The following LPP variants were observed in gnomAD, a reference collection of about 807,000 sequenced individuals.
The protein encoded by LPP is lipoma-preferred partner.
Under a neutral mutation model 60.4 loss-of-function variants are expected in LPP, and 38 were observed. The ratio of observed to expected loss-of-function variants is 0.63; its 90% CI spans 0.49 to 0.83. The LOEUF is 0.83. Ranked by LOEUF, LPP falls within the 40% of genes least tolerant of loss-of-function variation. LPP has a pLI of 0.00. For synonymous variants in LPP, 328 were observed against 290.8 expected (o/e 1.13, Z -1.30); for missense variants, 902 against 783.6 (o/e 1.15, Z -1.80).
At chr3:188,192,626 T>G (rs1265862814) in intron 1 of LPP, among the ~76,000 whole-genome samples, 1 of 152,200 alleles carries the variant, frequency 6.6e-6, no homozygotes, top group Non-Finnish European at 1.5e-5. Flanking sequence ...CTCAGCATAT[T>G]TAAGTGACTT....
At chr3:188,658,492 C>T (rs536493562) in intron 7 of LPP, among the ~76,000 whole-genome samples, 2 of 152,230 alleles carry the variant, frequency 1.3e-5, no homozygotes, top group East Asian at 3.9e-4. Context: ...AAACGACATA[C>T]CCTCCGTGCT....
chr3:188,623,539 T>C (rs966086434), intron 7 of LPP, among the ~76,000 whole-genome samples: 1 of 152,216 alleles, frequency 6.6e-6, no homozygotes, highest in Non-Finnish European at 1.5e-5. Flanking sequence ...ATTACAGGCA[T>C]GAGCCACCGT....
intron 4 of LPP, among the ~76,000 whole-genome samples, chr3:188,461,439 C>T (rs555694134): frequency 8.5e-5 from 13 of 152,216 alleles, no homozygotes; most frequent in Middle Eastern, 3.4e-3. Context: ...AACTTTTAAC[C>T]TTTTACAATA....
chr3:188,613,435 C>A lies in LPP; in HGVS notation c.1113+3591C>A, dbSNP rs76860883. ...AACTCTCAAGTCTAAAGTGACCAGGCAACTTTAGCCTCCAATTATCATAAA... is the reference window on the plus strand; with the variant it reads ...AACTCTCAAGTCTAAAGTGACCAGGAAACTTTAGCCTCCAATTATCATAAA... On this transcript the variant is annotated intron_variant, in intron 7 of 11. Coordinates refer to ENST00000617246, the MANE Select transcript of LPP (RefSeq NM_001375462.1). Among the ~76,000 whole-genome samples the A allele has an allele frequency of 3.1e-3, 473 of 152,094 alleles. 1 individual carries two copies. The highest frequency in any genetic ancestry group is 0.01 in the African/African-American group (433 of 41,492).
chr3:188,478,851 T>A (rs912707560), intron 4 of LPP, among the ~76,000 whole-genome samples: 13 of 151,974 alleles, frequency 8.6e-5, no homozygotes, highest in African/African-American at 3.1e-4. Context: ...CGCCTCCCGG[T>A]TCAAGCAATT....
intron 1 of LPP, among the ~76,000 whole-genome samples, chr3:188,170,513 A>G (rs1247111058): frequency 1.3e-5 from 2 of 151,092 alleles, no homozygotes; most frequent in African/African-American, 2.4e-5. Context: ...TTGTATTTTT[A>G]GTAGAGATGG....
intron 1 of LPP, among the ~76,000 whole-genome samples, chr3:188,222,998 A>T (rs11924330): frequency 0.028 from 4,275 of 152,256 alleles, 204 homozygotes; most frequent in African/African-American, 0.098. Context: ...AACATGTGGA[A>T]GAGGTGGCAG....
rs192098848 is a variant in LPP, at chr3:188,194,083, C to G, written c.-189-31322C>G. Among the ~76,000 whole-genome samples, 337 of 152,320 alleles carry G rather than the reference C, an allele frequency of 2.2e-3. 2 individuals carry two copies. The highest frequency in any genetic ancestry group is 3.9e-3 in the Non-Finnish European group (265 of 68,034). ...TTTCTTCCCTGAAAAAATCAGGGTG[C>G]TGAATGGTCAGGTGAGCTCCCTATT... On this transcript the variant is annotated intron_variant, in intron 1 of 11. Transcript: ENST00000617246.
intron 6 of LPP, among the ~76,000 whole-genome samples, chr3:188,564,856 T>C (rs1003688227): frequency 6.6e-6 from 1 of 151,946 alleles, no homozygotes; most frequent in African/African-American, 2.4e-5. Context: ...ATTTTCCTTC[T>C]GTTTTCTGTG....
chr3:188,442,308 G>A (rs1468955380), intron 4 of LPP, among the ~76,000 whole-genome samples: 3 of 152,104 alleles, frequency 2.0e-5, no homozygotes, highest in Non-Finnish European at 4.4e-5. Context: ...GGTGTGTGAT[G>A]TTCCCTTCCC....
At chr3:188,613,300 A>ATATCTATATCTATATC (rs1553944251) in intron 7 of LPP, among the ~76,000 whole-genome samples, 260 of 146,266 alleles carry the variant, frequency 1.8e-3, no homozygotes, top group Non-Finnish European at 2.2e-3. Flanking sequence ...ATCTATATCT[A>ATATCTATATCTATATC]TATCTATATC....
At chr3:188,369,140 A>G (rs1279544048) in intron 3 of LPP, among the ~76,000 whole-genome samples, 1 of 152,114 alleles carries the variant, frequency 6.6e-6, no homozygotes, top group Non-Finnish European at 1.5e-5. Context: ...CTGGGGAACT[A>G]TCTCACTGCA....
At chr3:188,736,263 C>A (rs974582234) in intron 8 of LPP, among the ~76,000 whole-genome samples, 1 of 151,726 alleles carries the variant, frequency 6.6e-6, no homozygotes, top group South Asian at 2.1e-4. Context: ...ATGTAAATAT[C>A]ATATAAAATT....
chr3:188,547,313 A>G (rs1216593643), intron 6 of LPP, among the ~76,000 whole-genome samples: 1 of 152,200 alleles, frequency 6.6e-6, no homozygotes, highest in Non-Finnish European at 1.5e-5. Context: ...ACACACATGC[A>G]CAATATAAAT....
chr3:188,459,449 A>T (rs973318728), intron 4 of LPP, among the ~76,000 whole-genome samples: 1 of 152,186 alleles, frequency 6.6e-6, no homozygotes, highest in Non-Finnish European at 1.5e-5. Flanking sequence ...TCTTGGTATC[A>T]CAGCACATCT....
intron 7 of LPP, among the ~76,000 whole-genome samples, chr3:188,677,003 T>C (rs1858277126): frequency 1.4e-5 from 2 of 147,490 alleles, no homozygotes; most frequent in East Asian, 3.9e-4. Flanking sequence ...GGGCACCTAG[T>C]AGCTGACAAG....
At chr3:188,857,948 A>T (rs1446750041) in intron 9 of LPP, among the ~76,000 whole-genome samples, 2 of 152,242 alleles carry the variant, frequency 1.3e-5, no homozygotes, top group Non-Finnish European at 2.9e-5. Context: ...TAAAACTAAC[A>T]TTTATTATAT....
chr3:188,374,685 T>G (rs563916412), intron 3 of LPP, among the ~76,000 whole-genome samples: 103 of 152,224 alleles, frequency 6.8e-4, no homozygotes, highest in African/African-American at 2.1e-3. Flanking sequence ...TTTCCTAATT[T>G]AATACCCTTT....
At chr3:188,488,622 T>TTTTATTTA (rs72105648) in intron 5 of LPP, among the ~76,000 whole-genome samples, 8 of 149,696 alleles carry the variant, frequency 5.3e-5, no homozygotes, top group South Asian at 4.3e-4. Flanking sequence ...GGTCAGTTAG[T>TTTTATTTA]TTTATTTATT....
Sources: allele counts gnomAD v4.1 joint callset (sites outside exome capture counted in the v4.1 genomes callset), GRCh38; gene constraint gnomAD v4.1.1; transcripts MANE v1.5; gene names NCBI Gene and HGNC (gene_info 2026-07-23, HGNC 2026-07-21).